Variants in LARGE1 observed in about 807,000 individuals in gnomAD.
The protein encoded by LARGE1 is LARGE xylosyl- and glucuronyltransferase 1.
In LARGE1, 43 loss-of-function variants were observed where a neutral mutation model predicts 87.6. The observed-to-expected ratio is 0.49, with a 90% confidence interval of 0.38 to 0.63. LARGE1 has a LOEUF of 0.63. LARGE1 is among the 30% of genes least tolerant of loss of function. LARGE1 has a pLI of 0.00. For missense variants in LARGE1, 802 were observed against 1,000.2 expected, an observed-to-expected ratio of 0.80 and a Z score of 2.67; for synonymous variants, 434 against 394.6, an observed-to-expected ratio of 1.10 and a Z score of -1.18.
intron 6 of LARGE1, among the ~76,000 whole-genome samples, chr22:33,488,779 C>T (rs1429662859): frequency 2.6e-5 from 4 of 152,262 alleles, no homozygotes; most frequent in East Asian, 1.9e-4. Flanking sequence ...TCTGGGGAAA[C>T]GCTTTGTAAT....
chr22:33,836,717 C>T (rs534629157), intron 1 of LARGE1, among the ~76,000 whole-genome samples: 156 of 151,980 alleles, frequency 1.0e-3, no homozygotes, highest in African/African-American at 3.6e-3. Context: ...AGCTGGTGAC[C>T]TAGACCAGTA....
At chr22:33,123,445 A>G in the LARGE1 span, among the ~76,000 whole-genome samples, 2 of 152,286 alleles carry the variant, frequency 1.3e-5, no homozygotes, top group South Asian at 2.1e-4. Flanking sequence ...GGCAAGGCCT[A>G]TGGGATGCTC....
At chr22:33,538,212 T>C (rs943347265) in intron 6 of LARGE1, among the ~76,000 whole-genome samples, 1 of 152,166 alleles carries the variant, frequency 6.6e-6, no homozygotes, top group African/African-American at 2.4e-5. Context: ...CCCCTCAACC[T>C]CACCTACCCC....
intron 9 of LARGE1, among the ~76,000 whole-genome samples, chr22:33,343,786 A>C (rs1939430598): frequency 6.6e-6 from 1 of 152,232 alleles, no homozygotes; most frequent in African/African-American, 2.4e-5. Context: ...AGCTTAAAAC[A>C]AAATCAGATC....
chr22:33,641,374 A>G (rs1275412046), intron 3 of LARGE1, among the ~76,000 whole-genome samples: 1 of 152,194 alleles, frequency 6.6e-6, no homozygotes. Context: ...CCCACAAAAA[A>G]GGCCATCAGC....
chr22:33,502,287 T>C (rs1459746980), intron 6 of LARGE1, among the ~76,000 whole-genome samples: 3 of 150,920 alleles, frequency 2.0e-5, no homozygotes, highest in Non-Finnish European at 2.9e-5. Context: ...TGGAAAAACA[T>C]GCAGAGATCA....
intron 1 of LARGE1, among the ~76,000 whole-genome samples, chr22:33,776,179 T>C (rs1464393214): frequency 2.6e-5 from 4 of 152,228 alleles, no homozygotes; most frequent in Non-Finnish European, 4.4e-5. Context: ...TGCACTGATC[T>C]GCATCCCAAT....
At chr22:33,357,338 T>C (rs1354337282) in intron 9 of LARGE1, among the ~76,000 whole-genome samples, 1 of 148,770 alleles carries the variant, frequency 6.7e-6, no homozygotes, top group Non-Finnish European at 1.5e-5. Flanking sequence ...TAACAGACAT[T>C]GGAGACTCTG....
At chr22:33,541,933 C>T (rs146162803) in intron 6 of LARGE1, among the ~76,000 whole-genome samples, 4 of 151,826 alleles carry the variant, frequency 2.6e-5, no homozygotes, top group East Asian at 1.9e-4. Flanking sequence ...AAGGCTGAGG[C>T]GGGTGGATCA....
At chr22:33,920,753 G>GGCC (rs551778913), upstream of LARGE1, among the ~76,000 whole-genome samples, 11,185 of 144,044 alleles carry the variant, frequency 0.078, 559 homozygotes, top group East Asian at 0.25. Context: ...CGCCGGCCTT[G>GGCC]GCCGCCGCCG....
intron 6 of LARGE1, among the ~76,000 whole-genome samples, chr22:33,529,435 G>A (rs1021457717): frequency 2.0e-5 from 3 of 152,196 alleles, no homozygotes; most frequent in Admixed American, 6.5e-5. Flanking sequence ...ACTTACCAAT[G>A]GGGATGCTAA....
chr22:33,782,426 G>T (rs944196978), intron 1 of LARGE1, among the ~76,000 whole-genome samples: 18 of 152,160 alleles, frequency 1.2e-4, no homozygotes, highest in Admixed American at 3.9e-4. Context: ...ACACAACCTT[G>T]TGAAAATACT....
chr22:33,346,539 T>C (rs940678202), intron 9 of LARGE1, among the ~76,000 whole-genome samples: 9 of 152,210 alleles, frequency 5.9e-5, no homozygotes, highest in East Asian at 1.9e-4. Context: ...CTGACCTCAG[T>C]TGATCTGCCC....
chr22:33,842,176 T>G (rs529242749), intron 1 of LARGE1, among the ~76,000 whole-genome samples: 38 of 152,170 alleles, frequency 2.5e-4, no homozygotes, highest in Non-Finnish European at 4.4e-4. Context: ...TTTTGATCTA[T>G]TTTTGTCTCT....
chr22:33,697,579 A>ATCT (rs1318079431), intron 2 of LARGE1, among the ~76,000 whole-genome samples: 1 of 125,150 alleles, frequency 8.0e-6, no homozygotes, highest in Non-Finnish European at 1.7e-5. Context: ...AAGGAAATAC[A>ATCT]TCTCTTTCTG....
At chr22:33,707,899 C>A (rs1022439707) in intron 2 of LARGE1, among the ~76,000 whole-genome samples, 1 of 152,202 alleles carries the variant, frequency 6.6e-6, no homozygotes, top group Non-Finnish European at 1.5e-5. Flanking sequence ...ACTAGGGAAC[C>A]AGAGTGTGCT....
At chr22:33,532,469 G>A (rs568062603) in intron 6 of LARGE1, among the ~76,000 whole-genome samples, 1 of 152,314 alleles carries the variant, frequency 6.6e-6, no homozygotes, top group Non-Finnish European at 1.5e-5. Context: ...CCAACTCTGT[G>A]CCAGACACTA....
intron 6 of LARGE1, among the ~76,000 whole-genome samples, chr22:33,452,024 C>G (rs5754558): frequency 6.6e-6 from 1 of 152,014 alleles, no homozygotes; most frequent in African/African-American, 2.4e-5. Flanking sequence ...CATTCCAACC[C>G]GAATCTGCTC....
chr22:33,476,562 G>GT (rs1297245090), intron 6 of LARGE1, among the ~76,000 whole-genome samples: 1 of 152,210 alleles, frequency 6.6e-6, no homozygotes, highest in African/African-American at 2.4e-5. Flanking sequence ...TCCTGAGGCT[G>GT]TGTCATAGGC....
Sources: allele counts gnomAD v4.1 joint callset (sites outside exome capture counted in the v4.1 genomes callset), GRCh38; gene constraint gnomAD v4.1.1; transcripts MANE v1.5; gene names NCBI Gene and HGNC (gene_info 2026-07-23, HGNC 2026-07-21).